GPC6: variants seen among roughly 807,000 people sequenced by gnomAD.
GPC6 encodes glypican 6, also known as glypican-6.
A neutral mutation model predicts 55.2 loss-of-function variants in GPC6; 14 were observed. That is an observed-to-expected ratio of 0.25 (90% CI 0.17 to 0.40). GPC6 has a LOEUF of 0.40. Among genes scored for constraint, GPC6 ranks in the 10% least tolerant of loss-of-function variants. GPC6 has a pLI of 1.00. For missense variants in GPC6, 641 were observed against 708.5 expected, an observed-to-expected ratio of 0.90 and a Z score of 1.08; for synonymous variants, 278 against 259.6, an observed-to-expected ratio of 1.07 and a Z score of -0.68.
intron 3 of GPC6, among the ~76,000 whole-genome samples, chr13:93,890,328 T>G (rs953035302): frequency 2.0e-5 from 3 of 152,120 alleles, no homozygotes; most frequent in African/African-American, 7.2e-5. Context: ...TTCCTTATCT[T>G]AATAGTCTAT....
chr13:94,131,198 A>C (rs1886988443), intron 4 of GPC6, among the ~76,000 whole-genome samples: 1 of 152,148 alleles, frequency 6.6e-6, no homozygotes, highest in Non-Finnish European at 1.5e-5. Context: ...CCAGGACTGC[A>C]TTTATGATCT....
At chr13:93,448,560 T>C (rs772559316) in intron 1 of GPC6, among the ~76,000 whole-genome samples, 11 of 152,164 alleles carry the variant, frequency 7.2e-5, no homozygotes, top group Non-Finnish European at 1.5e-4. Context: ...ATCACCATGA[T>C]CAAAAGCTCA....
At chr13:93,659,266 AT>A (rs1332123140) in intron 2 of GPC6, among the ~76,000 whole-genome samples, 10 of 151,816 alleles carry the variant, frequency 6.6e-5, no homozygotes, top group African/African-American at 2.2e-4. Context: ...GTTATTTCTA[AT>A]GTATGACCAT....
chr13:93,470,534 G>A (rs2139327369), intron 1 of GPC6, among the ~76,000 whole-genome samples: 1 of 152,000 alleles, frequency 6.6e-6, no homozygotes, highest in African/African-American at 2.4e-5. Context: ...ATGGTTTTGA[G>A]GATTTTTTGC....
Position 94,403,043 on chromosome 13 carries a change from C to T in GPC6, c.1494C>T (p.Gly498=), listed in dbSNP as rs1170663064. Residue 498 remains glycine, a synonymous_variant, in exon 9 of 9, where the codon GGC becomes GGT. Coordinates refer to ENST00000377047, the MANE Select transcript of GPC6 (RefSeq NM_005708.5). ...TSDESSGSGS[G]SGCMDDVCPT... ...ATGAATCCAGTGGCTCAGGGAGTGG[C>T]AGTGGGTGCATGGATGACGTGTGTC... The T allele has an allele frequency of 2.5e-6, 4 of 1,612,854 alleles. No homozygotes were observed. The highest frequency in any genetic ancestry group is 3.4e-6 in the Non-Finnish European group (4 of 1,178,922).
intron 6 of GPC6, among the ~76,000 whole-genome samples, chr13:94,349,095 C>G (rs559297424): frequency 6.6e-6 from 1 of 152,152 alleles, no homozygotes; most frequent in East Asian, 1.9e-4. Context: ...TGTGGAACCT[C>G]GAAAAGCCCC....
intron 1 of GPC6, among the ~76,000 whole-genome samples, chr13:93,295,290 CAAA>C (rs67379652): frequency 7.6e-4 from 51 of 66,670 alleles, no homozygotes; most frequent in Middle Eastern, 9.6e-3. Context: ...GACCCTGTCT[CAAA>C]AAAAAAAAAA....
intron 2 of GPC6, among the ~76,000 whole-genome samples, chr13:93,805,453 A>C (rs970168799): frequency 1.3e-5 from 2 of 152,140 alleles, no homozygotes; most frequent in Non-Finnish European, 2.9e-5. Context: ...GTTTGGGGGA[A>C]TCATATACAT....
chr13:94,392,864 C>T (rs995458848), intron 7 of GPC6, among the ~76,000 whole-genome samples: 1 of 151,618 alleles, frequency 6.6e-6, no homozygotes, highest in African/African-American at 2.4e-5. Context: ...CCACCCTCCT[C>T]GGCCTCCCAA....
chr13:94,400,428 A>G (rs73553856), intron 8 of GPC6, among the ~76,000 whole-genome samples: 2,952 of 152,272 alleles, frequency 0.019, 113 homozygotes, highest in African/African-American at 0.068. Flanking sequence ...CTTCTTGTTC[A>G]TGACACCAGT....
Position 94,082,684 on chromosome 13 carries a change from C to T in GPC6, c.877+54790C>T, listed in dbSNP as rs183517563. Among the ~76,000 whole-genome samples, 269 of 152,288 alleles carry T rather than the reference C, an allele frequency of 1.8e-3. 1 individual carries two copies. The highest frequency in any genetic ancestry group is 0.011 in the South Asian group (53 of 4,822). Reference sequence around the variant, plus strand: ...TGCCTTTTCTCACATTTTACACTCACTGACTGTGTTGCTTGTGAATTATTT... The same window carrying T: ...TGCCTTTTCTCACATTTTACACTCATTGACTGTGTTGCTTGTGAATTATTT... On this transcript the variant is annotated intron_variant, in intron 4 of 8. Coordinates refer to ENST00000377047, the MANE Select transcript of GPC6 (RefSeq NM_005708.5).
intron 2 of GPC6, among the ~76,000 whole-genome samples, chr13:93,798,668 C>A (rs981742816): frequency 6.6e-6 from 1 of 152,102 alleles, no homozygotes; most frequent in African/African-American, 2.4e-5. Flanking sequence ...CCTGTAATCC[C>A]AGCACTTTGG....
At chr13:93,855,951 C>A (rs1888594495) in intron 3 of GPC6, among the ~76,000 whole-genome samples, 1 of 151,558 alleles carries the variant, frequency 6.6e-6, no homozygotes, top group African/African-American at 2.4e-5. Context: ...TCAGATATGC[C>A]TACTGCAAAT....
intron 2 of GPC6, among the ~76,000 whole-genome samples, chr13:93,749,491 G>T (rs1884505553): frequency 6.6e-6 from 1 of 151,442 alleles, no homozygotes; most frequent in South Asian, 2.1e-4. Flanking sequence ...ACTTTTCCTA[G>T]GATAGGTCTT....
At chr13:93,958,315 C>T (rs1594620534) in intron 3 of GPC6, among the ~76,000 whole-genome samples, 2 of 152,096 alleles carry the variant, frequency 1.3e-5, no homozygotes, top group East Asian at 3.9e-4. Context: ...AGGTTTTCTT[C>T]TAAGATTTTT....
intron 1 of GPC6, among the ~76,000 whole-genome samples, chr13:93,535,339 A>G (rs574578708): frequency 4.6e-5 from 7 of 152,274 alleles, no homozygotes; most frequent in Non-Finnish European, 8.8e-5. Flanking sequence ...GAGAATAGGA[A>G]TTCTTGCTGT....
chr13:93,812,142 T>TGGGGGGGGGGGGGGGGGG (rs35966772), intron 2 of GPC6, among the ~76,000 whole-genome samples: 4 of 73,816 alleles, frequency 5.4e-5, no homozygotes, highest in Non-Finnish European at 9.5e-5. Flanking sequence ...TGCAAGGCGG[T>TGGGGGGGGGGGGGGGGGG]GGGGGGGGGG....
intron 6 of GPC6, among the ~76,000 whole-genome samples, chr13:94,325,900 T>C (rs188074234): frequency 6.6e-6 from 1 of 152,298 alleles, no homozygotes; most frequent in Admixed American, 6.5e-5. Context: ...TTAGAAGCTC[T>C]GACCATGACC....
chr13:93,869,403 C>G (rs957044511), intron 3 of GPC6, among the ~76,000 whole-genome samples: 3 of 151,824 alleles, frequency 2.0e-5, no homozygotes, highest in Non-Finnish European at 4.4e-5. Context: ...ATCTGCCACC[C>G]CATGAGGCTG....
Sources: allele counts gnomAD v4.1 joint callset (sites outside exome capture counted in the v4.1 genomes callset), GRCh38; gene constraint gnomAD v4.1.1; transcripts MANE v1.5; gene names NCBI Gene and HGNC (gene_info 2026-07-23, HGNC 2026-07-21).